The following GREB1 variants were observed in gnomAD, a reference collection of about 807,000 sequenced individuals.
GREB1 encodes the protein protein GREB1.
In GREB1, 106 loss-of-function variants were observed where a neutral mutation model predicts 200.7. That is an observed-to-expected ratio of 0.53 (90% CI 0.45 to 0.62). The LOEUF (loss-of-function observed/expected upper bound fraction) is 0.62. GREB1 is among the 20% of genes least tolerant of loss of function. The pLI, the probability that GREB1 is intolerant of heterozygous loss-of-function variation, is 0.00. For synonymous variants in GREB1, 1,132 were observed against 1,092.4 expected, an observed-to-expected ratio of 1.04 and a Z score of -0.72; for missense variants, 2,243 against 2,556.8, an observed-to-expected ratio of 0.88 and a Z score of 2.65.
Position 11,634,303 on chromosome 2 carries a change from A to G in GREB1, c.5164A>G (p.Ile1722Val), listed in dbSNP as rs1330401856. The change falls in exon 29 of 33, where the codon ATC becomes GTC. Residue 1722 changes from isoleucine to valine, a missense_variant. By Grantham distance (29) the Ile-to-Val change is conservative. Around this residue, in one of 3 missense-constraint regions of GREB1, gnomAD observed 478 missense variants for 616.3 expected, o/e 0.78. Transcript: ENST00000381486. ...CCGCTGCCACGTGCACAACTTCATC[A>G]TCCTGAACGTGGACCTGACCCAGAA... The part of the protein sequence containing the change: ...FSRCHVHNFI[I>V]LNVDLTQNVQ... The G allele has an allele frequency of 1.2e-6, 2 of 1,614,130 alleles. No individual in the cohort carries two copies. Among genetic ancestry groups the G allele is most frequent in the East Asian group, 4.5e-5 (2 of 44,876 alleles).
Position 11,585,242 on chromosome 2 carries a change from GC to G in GREB1, c.988del (p.Gln330LysfsTer46). The G allele has an allele frequency of 1.3e-6, 2 of 1,572,222 alleles. No individual in the cohort carries two copies. The highest frequency in any genetic ancestry group is 1.7e-6 in the Non-Finnish European group (2 of 1,161,896). Reference protein sequence around the residue: ...PESPSAPDGGCPQGGGNRAKY... With the variant: ...PESPSAPDGGXPQGGGNRAKY... ...TCTCCATCAGCTCCAGATGGTGGCT[GC>G]CCCCAAGGTGGTGGGAACAGAGCTA... On this transcript the variant is annotated frameshift_variant, in exon 8 of 33. Coordinates refer to ENST00000381486, the MANE Select transcript of GREB1 (RefSeq NM_014668.4). LOFTEE classifies it high-confidence loss of function.
chr2:11,583,606 T>A (rs1572808462), intron 7 of GREB1, among the ~76,000 whole-genome samples: 1 of 152,068 alleles, frequency 6.6e-6, no homozygotes, highest in Admixed American at 6.6e-5. Flanking sequence ...ACACCTATAA[T>A]CTCGGCACTT....
rs901523473 is a variant in GREB1, at chr2:11,638,000, C to T, written c.5547+84C>T. On this transcript the variant is annotated intron_variant, in intron 31 of 32. Transcript: ENST00000381486. ...GGGCTGGAATCTGGGACTCTGAATCCTAAGTCCTCAACTCCTTCGTCTCGG... is the reference window on the plus strand; with the variant it reads ...GGGCTGGAATCTGGGACTCTGAATCTTAAGTCCTCAACTCCTTCGTCTCGG... 1.7e-5 allele frequency: 21 copies of T among 1,201,904 alleles called. No homozygotes were observed. In the Admixed American group the frequency reaches 3.5e-4, roughly 20 times the overall value. The allele number at this position is 1,201,904 out of a possible 1,614,324, so 74.5% of individuals were successfully genotyped here.
chr2:11,638,951 C>A, intron 32 of GREB1, 142 bp downstream of exon 32: 1 of 825,304 alleles, frequency 1.2e-6, no homozygotes. Flanking sequence ...GCCTCAGCCA[C>A]CCAGGGAAGT....
At chr2:11,583,317 A>G (rs1333759013) in intron 7 of GREB1, among the ~76,000 whole-genome samples, 1 of 152,112 alleles carries the variant, frequency 6.6e-6, no homozygotes, top group African/African-American at 2.4e-5. Context: ...TCCCATCGCA[A>G]TTGGGGACAG....
intron 4 of GREB1, among the ~76,000 whole-genome samples, chr2:11,568,338 G>A (rs1233223346): frequency 6.6e-6 from 1 of 152,222 alleles, no homozygotes; most frequent in African/African-American, 2.4e-5. Flanking sequence ...AGGCGCTGGG[G>A]ACACACACGT....
chr2:11,531,742 T>C (rs1168980275), upstream of GREB1, among the ~76,000 whole-genome samples: 1 of 152,146 alleles, frequency 6.6e-6, no homozygotes. Flanking sequence ...AGCTAATTTT[T>C]GTATTTTTAG....
intron 1 of GREB1, among the ~76,000 whole-genome samples, chr2:11,525,793 C>G (rs1232124189): frequency 6.6e-6 from 1 of 152,176 alleles, no homozygotes; most frequent in Admixed American, 6.5e-5. Flanking sequence ...CTGAACGACC[C>G]ATCTAGATTC....
chr2:11,570,520 A>C (rs995122897), intron 4 of GREB1, among the ~76,000 whole-genome samples: 11 of 151,738 alleles, frequency 7.2e-5, no homozygotes, highest in African/African-American at 2.7e-4. Flanking sequence ...TTGTTATCTT[A>C]TACTTTTTTT....
intron 4 of GREB1, among the ~76,000 whole-genome samples, chr2:11,571,014 C>G (rs566919688): frequency 2.0e-3 from 308 of 151,974 alleles, no homozygotes; most frequent in African/African-American, 7.0e-3. Flanking sequence ...GGGGTTTGGC[C>G]AAAATACCAA....
chr2:11,607,569 T>C (rs1387813463), intron 17 of GREB1, among the ~76,000 whole-genome samples: 3 of 109,940 alleles, frequency 2.7e-5, no homozygotes, highest in African/African-American at 1.0e-4. Flanking sequence ...TATATACGCA[T>C]ATATACACAT....
At chr2:11,607,452 GTGTGTGTGTA>G (rs139486424) in intron 17 of GREB1, among the ~76,000 whole-genome samples, 47,432 of 131,340 alleles carry the variant, frequency 0.36, 9,558 homozygotes, top group East Asian at 0.49. Flanking sequence ...GTGTGTGTGT[GTGTGTGTGTA>G]TATATATATA....
chr2:11,555,045 T>C (rs1676298799), intron 1 of GREB1, among the ~76,000 whole-genome samples: 1 of 152,206 alleles, frequency 6.6e-6, no homozygotes, highest in African/African-American at 2.4e-5. Flanking sequence ...TACTAAACCT[T>C]GTACCATAGC....
At chr2:11,538,797 C>T (rs573960126) in intron 1 of GREB1, among the ~76,000 whole-genome samples, 3 of 22,250 alleles carry the variant, frequency 1.3e-4, no homozygotes, top group Non-Finnish European at 2.3e-4. Flanking sequence ...CCTTCCTTCC[C>T]TTCTTTACTT....
intron 7 of GREB1, chr2:11,581,222 C>T (rs182561590): frequency 6.6e-5 from 37 of 562,654 alleles, no homozygotes; most frequent in African/African-American, 5.1e-4. Context: ...TCTTGTTAGT[C>T]AGGGGACCTT....
chr2:11,542,526 C>T (rs1221244678), intron 1 of GREB1, among the ~76,000 whole-genome samples: 1 of 151,284 alleles, frequency 6.6e-6, no homozygotes, highest in Non-Finnish European at 1.5e-5. Flanking sequence ...CATTTAGCAA[C>T]TCAGTCCCTG....
intron 1 of GREB1, among the ~76,000 whole-genome samples, chr2:11,501,210 T>C (rs888768261): frequency 2.6e-5 from 4 of 152,232 alleles, no homozygotes; most frequent in Non-Finnish European, 4.4e-5. Context: ...CTGTGTTCCC[T>C]ACTGACTTTG....
rs1036608920 is a variant in GREB1, at chr2:11,580,647, G to A, written c.773-57G>A. On this transcript the variant is annotated intron_variant, in intron 6 of 32. Transcript: ENST00000381486. This position sits in a 1 kb window ranked among gnomAD's most constrained non-coding sequence, Gnocchi z 4.5. ...AAGGAAAATGATTTCCTCCTTGCCT[G>A]GCTCCCAGGGCATTCTTGTGAACTG... The A allele has an allele frequency of 3.2e-6, 5 of 1,538,776 alleles. No individual in the cohort carries two copies. The Admixed American group carries it at 9.9e-5, about 31-fold the overall frequency.
At chr2:11,495,060 C>T (rs373055591) in intron 1 of GREB1, among the ~76,000 whole-genome samples, 3 of 152,154 alleles carry the variant, frequency 2.0e-5, no homozygotes, top group Non-Finnish European at 2.9e-5. Flanking sequence ...CCCCGCTTGC[C>T]CCTGCCCCCG....
Sources: gnomAD v4.1 joint callset for allele counts (sites outside exome capture counted in the v4.1 genomes callset) on GRCh38, gnomAD v4.1.1 for gene constraint, gnomAD v4.1.1 regional missense constraint, Gnocchi (gnomAD v3.1) non-coding constraint, MANE v1.5 for transcripts, NCBI Gene and HGNC (gene_info 2026-07-23, HGNC 2026-07-21) for gene names.